The following CYYR1 variants were observed in gnomAD, a reference collection of about 807,000 sequenced individuals.
CYYR1 encodes cysteine and tyrosine-rich protein 1.
CYYR1 carries 14 observed loss-of-function variants against 15.2 expected under a neutral mutation model. The observed-to-expected ratio is 0.92, with a 90% CI of 0.61 to 1.44. The LOEUF (loss-of-function observed/expected upper bound fraction) is 1.44. Among genes scored for constraint, CYYR1 ranks in the 40% most tolerant of loss-of-function variants. The probability of loss-of-function intolerance (pLI) is 0.00; values close to 1 mark genes in which losing one functional copy is unlikely to be tolerated. For synonymous variants in CYYR1, 80 were observed against 77.4 expected (o/e 1.03, Z -0.18); for missense variants, 228 against 209.5 (o/e 1.09, Z -0.54).
intron 3 of CYYR1, among the ~76,000 whole-genome samples, chr21:26,477,220 A>G (rs1285814710): frequency 1.3e-5 from 2 of 152,152 alleles, no homozygotes; most frequent in Non-Finnish European, 2.9e-5. Context: ...GTGAGGGTAA[A>G]AGCATTTTGT....
chr21:26,529,316 T>C (rs1210559428), intron 2 of CYYR1, among the ~76,000 whole-genome samples: 2 of 152,230 alleles, frequency 1.3e-5, no homozygotes, highest in Non-Finnish European at 2.9e-5. Context: ...CAGAGTTTTA[T>C]GAAATAATTG....
intron 2 of CYYR1, among the ~76,000 whole-genome samples, chr21:26,521,156 A>G (rs1224240558): frequency 6.6e-6 from 1 of 152,238 alleles, no homozygotes; most frequent in Non-Finnish European, 1.5e-5. Context: ...TATCTATGTA[A>G]CAAACCTGCA....
intron 2 of CYYR1, among the ~76,000 whole-genome samples, chr21:26,488,551 C>T (rs1268196366): frequency 1.3e-5 from 2 of 152,122 alleles, no homozygotes; most frequent in African/African-American, 4.8e-5. Flanking sequence ...CCATGCCTGG[C>T]GAGTACTACA....
At chr21:26,480,576 T>TA (rs3085020) in intron 2 of CYYR1, 147 bp from the exon 3 acceptor site, 65 of 802,802 alleles carry the variant, frequency 8.1e-5, no homozygotes, top group Non-Finnish European at 1.1e-4. Context: ...TTTTTTTTTT[T>TA]AAAACCCATA....
intron 2 of CYYR1, among the ~76,000 whole-genome samples, chr21:26,494,708 T>C (rs972595603): frequency 6.6e-6 from 1 of 152,166 alleles, no homozygotes; most frequent in Admixed American, 6.5e-5. Context: ...GGACATCACA[T>C]TGTGCCCCAT....
intron 3 of CYYR1, 23 bp downstream of exon 3, chr21:26,480,249 C>G (rs768002809): frequency 1.3e-6 from 2 of 1,589,246 alleles, no homozygotes; most frequent in African/African-American, 2.7e-5. Flanking sequence ...TCTGAGCCTT[C>G]GAGAGTCAAC....
chr21:26,573,147 C>T lies in CYYR1; in HGVS notation c.-207G>A, dbSNP rs1230514930. On this transcript the variant is annotated 5_prime_UTR_variant, in exon 1 of 4. Transcript: ENST00000652641. The stretch of plus-strand genomic sequence containing the variant: ...TGCGGGACTCCGCGGAGCTGGGGCG[C>T]CCGTGGCCCGAGACGGGCTGCGCTG... 8.7e-6 allele frequency: 13 copies of T among 1,491,382 alleles called. No homozygotes were observed. In the Admixed American group the frequency reaches 2.8e-4, roughly 32 times the overall value. 92.4% of individuals were successfully genotyped at this position (1,491,382 alleles called of 1,614,324 possible).
At chr21:26,564,199 T>TGGG (rs1007326940) in intron 2 of CYYR1, among the ~76,000 whole-genome samples, 4 of 152,100 alleles carry the variant, frequency 2.6e-5, no homozygotes, top group Admixed American at 6.6e-5. Flanking sequence ...AAAAACACTT[T>TGGG]GGGTGGAGTT....
chr21:26,536,596 C>T (rs2123627697), intron 2 of CYYR1, among the ~76,000 whole-genome samples: 1 of 152,206 alleles, frequency 6.6e-6, no homozygotes, highest in Middle Eastern at 3.4e-3. Context: ...TTATAAAGGA[C>T]CCGAAGCTTT....
Position 26,467,209 on chromosome 21 carries a change from A to T in CYYR1, c.*1292T>A, listed in dbSNP as rs2064978624. The T allele has an allele frequency of 6.6e-6, 1 of 152,184 alleles. No individual in the cohort carries two copies. The highest frequency in any genetic ancestry group is 1.5e-5 in the Non-Finnish European group (1 of 68,032). The allele number at this position is 152,184 out of a possible 1,614,324, so 9.4% of individuals were successfully genotyped here. A position where few individuals can be genotyped will look rare whatever the true frequency, so the allele number is the denominator to read the frequency against. Reference sequence around the variant, plus strand: ...CCAATGTTCAATATACAATTTTTATAAATACATGAAACAATTCATATAAAA... The same window carrying T: ...CCAATGTTCAATATACAATTTTTATTAATACATGAAACAATTCATATAAAA... On this transcript the variant is annotated 3_prime_UTR_variant, in exon 4 of 4. Coordinates refer to ENST00000652641, the MANE Select transcript of CYYR1 (RefSeq NM_001320768.2).
chr21:26,558,634 G>A (rs1979975147), intron 2 of CYYR1, among the ~76,000 whole-genome samples: 1 of 152,040 alleles, frequency 6.6e-6, no homozygotes, highest in South Asian at 2.1e-4. Flanking sequence ...GAAATTCATT[G>A]GTACTCTTCT....
chr21:26,482,936 C>T (rs752025260), intron 2 of CYYR1, among the ~76,000 whole-genome samples: 6 of 151,904 alleles, frequency 3.9e-5, no homozygotes, highest in African/African-American at 1.2e-4. Context: ...TCTTTATGTT[C>T]GGAGACTCAC....
chr21:26,530,512 T>G (rs1601797528), intron 2 of CYYR1, among the ~76,000 whole-genome samples: 1 of 152,124 alleles, frequency 6.6e-6, no homozygotes, highest in East Asian at 1.9e-4. Flanking sequence ...GTGCAGAACG[T>G]GCAGGTTTGT....
rs559239370 is a variant in CYYR1 at position 26,538,366 on chromosome 21, G to C, written c.176+27900C>G. ...CCTTAATAATATTTTCCAATTATCTGTTGATTTTTTAATTGGATCTTTCTT... is the reference window on the plus strand; with the variant it reads ...CCTTAATAATATTTTCCAATTATCTCTTGATTTTTTAATTGGATCTTTCTT... On this transcript the variant is annotated intron_variant, in intron 2 of 3. Transcript: ENST00000652641. Among the ~76,000 whole-genome samples the C allele has an allele frequency of 2.6e-5, 4 of 152,222 alleles. No homozygotes were observed. In the South Asian group the frequency reaches 8.3e-4, roughly 32 times the overall value.
At chr21:26,475,228 A>T (rs2065087642) in intron 3 of CYYR1, among the ~76,000 whole-genome samples, 1 of 150,432 alleles carries the variant, frequency 6.6e-6, no homozygotes, top group Admixed American at 6.6e-5. Flanking sequence ...AACCTCAAAT[A>T]CCTCCTCAGT....
intron 2 of CYYR1, among the ~76,000 whole-genome samples, chr21:26,522,376 T>C (rs1350305556): frequency 1.3e-5 from 2 of 152,118 alleles, no homozygotes; most frequent in East Asian, 1.9e-4. Flanking sequence ...GCACTTCCCC[T>C]CAAAAATTTT....
rs770885517 is a variant in CYYR1, at chr21:26,545,567, C to CTTTTTTTTTTTTTTT, written c.176+20684_176+20698dup. ...CCTTCTGGTTAATAAGATGCTTATTCTTTTTTTTTTTTTTTTTTTTTTTTT... is the reference window on the plus strand; with the variant it reads ...CCTTCTGGTTAATAAGATGCTTATTCTTTTTTTTTTTTTTTTTTTTTTTTTTTTTTTTTTTTTTTT... On this transcript the variant is annotated intron_variant, in intron 2 of 3. Transcript: ENST00000652641. 6.2e-4 allele frequency among the ~76,000 whole-genome samples: 46 copies of CTTTTTTTTTTTTTTT among 73,748 alleles called. 9 individuals are homozygous for CTTTTTTTTTTTTTTT. Among genetic ancestry groups the CTTTTTTTTTTTTTTT allele is most frequent in the African/African-American group, 2.7e-3 (46 of 16,974 alleles). 48.4% of individuals were successfully genotyped at this position (73,748 alleles called of 152,430 possible).
At chr21:26,561,960 C>G (rs1432172734) in intron 2 of CYYR1, among the ~76,000 whole-genome samples, 1 of 152,198 alleles carries the variant, frequency 6.6e-6, no homozygotes, top group Non-Finnish European at 1.5e-5. Context: ...GAAGAGGACT[C>G]TATAAACCAC....
At chr21:26,532,883 C>G (rs920306836) in intron 2 of CYYR1, among the ~76,000 whole-genome samples, 2 of 151,936 alleles carry the variant, frequency 1.3e-5, no homozygotes, top group African/African-American at 4.8e-5. Flanking sequence ...GTTTCATGCA[C>G]AAAATTATTA....
Sources: gnomAD v4.1 joint callset for allele counts (sites outside exome capture counted in the v4.1 genomes callset) on GRCh38, gnomAD v4.1.1 for gene constraint, MANE v1.5 for transcripts, NCBI Gene and HGNC (gene_info 2026-07-23, HGNC 2026-07-21) for gene names.